RBFOX1: variants seen among roughly 807,000 people sequenced by gnomAD.
RBFOX1 encodes RNA binding fox-1 homolog 1.
In RBFOX1, 8 loss-of-function variants were observed where a neutral mutation model predicts 57.7. The ratio of observed to expected loss-of-function variants is 0.14; its 90% CI spans 0.08 to 0.25. The LOEUF (loss-of-function observed/expected upper bound fraction) is 0.25, where lower values mean the gene tolerates loss of function less well. Among genes scored for constraint, RBFOX1 ranks in the 10% least tolerant of loss-of-function variants. RBFOX1 has a pLI of 1.00. For synonymous variants in RBFOX1, 326 were observed against 222.4 expected (o/e 1.47, Z -4.15); for missense variants, 611 against 548.5 (o/e 1.11, Z -1.14).
chr16:6,193,391 A>AATATAT (rs1567650996), intron 1 of RBFOX1, among the ~76,000 whole-genome samples: 193 of 15,732 alleles, frequency 0.012, 4 homozygotes, highest in African/African-American at 0.021. Context: ...ATATATATAT[A>AATATAT]CTATATATAT....
intron 15 of RBFOX1, 61 bp downstream of exon 15, chr16:7,709,192 G>A: frequency 6.7e-7 from 1 of 1,484,050 alleles, no homozygotes; most frequent in Non-Finnish European, 9.4e-7. Flanking sequence ...TCCCCAGCTG[G>A]GACCTCAGTA....
At chr16:6,716,490 C>T (rs1012280170) in intron 3 of RBFOX1, among the ~76,000 whole-genome samples, 3 of 152,166 alleles carry the variant, frequency 2.0e-5, no homozygotes, top group African/African-American at 4.8e-5. Flanking sequence ...CTGTTATTAC[C>T]TGCCCATTTC....
At chr16:6,504,279 C>G (rs1462117818) in intron 2 of RBFOX1, among the ~76,000 whole-genome samples, 1 of 152,176 alleles carries the variant, frequency 6.6e-6, no homozygotes, top group Non-Finnish European at 1.5e-5. Flanking sequence ...TGTTGGGAAT[C>G]TATTTGCTTT....
chr16:5,750,606 C>T (rs2098076), intron 3 of RBFOX1, among the ~76,000 whole-genome samples: 4,464 of 152,256 alleles, frequency 0.029, 212 homozygotes, highest in African/African-American at 0.1. Flanking sequence ...TCTTGCAGTT[C>T]GATCTCAGAC....
chr16:6,498,872 G>C (rs185092566), intron 2 of RBFOX1, among the ~76,000 whole-genome samples: 8 of 152,274 alleles, frequency 5.3e-5, no homozygotes, highest in African/African-American at 1.9e-4. Flanking sequence ...GTTAGTATCT[G>C]ATCCCTCAAC....
intron 5 of RBFOX1, among the ~76,000 whole-genome samples, chr16:7,534,106 C>T (rs1284087495): frequency 2.4e-5 from 2 of 83,214 alleles, no homozygotes; most frequent in Admixed American, 2.6e-4. Context: ...TTTTTTTGGA[C>T]ATGCAGTTTC....
chr16:7,203,142 T>C lies in RBFOX1; in HGVS notation c.27+151044T>C, dbSNP rs141776396. Among the ~76,000 whole-genome samples, 4 of 152,324 alleles carry C rather than the reference T, an allele frequency of 2.6e-5. No individual in the cohort carries two copies. The East Asian group carries it at 7.7e-4, about 29-fold the overall frequency. ...AGCTAAAATATGGGACTAATACAAG[T>C]GTTTATCAATGATGAACAGATAAGC... On this transcript the variant is annotated intron_variant, in intron 4 of 15. Coordinates refer to ENST00000550418, the MANE Select transcript of RBFOX1 (RefSeq NM_018723.4).
At chr16:7,570,850 TGATA>T (rs1168261165) in intron 5 of RBFOX1, among the ~76,000 whole-genome samples, 1 of 152,170 alleles carries the variant, frequency 6.6e-6, no homozygotes, top group East Asian at 1.9e-4. Flanking sequence ...TGCCCATCAA[TGATA>T]GATTAAAGAA....
At chr16:6,852,902 G>A (rs561230486) in intron 3 of RBFOX1, among the ~76,000 whole-genome samples, 3 of 152,038 alleles carry the variant, frequency 2.0e-5, no homozygotes, top group African/African-American at 2.4e-5. Flanking sequence ...TCCACACAAG[G>A]TGCATGCTGG....
chr16:6,689,473 C>T (rs1468730594), intron 3 of RBFOX1, among the ~76,000 whole-genome samples: 1 of 152,092 alleles, frequency 6.6e-6, no homozygotes, highest in Non-Finnish European at 1.5e-5. Context: ...AAATACTCAT[C>T]TTCTAAGGCT....
chr16:6,975,329 A>G (rs76227129), intron 3 of RBFOX1, among the ~76,000 whole-genome samples: 8,307 of 152,150 alleles, frequency 0.055, 251 homozygotes, highest in African/African-American at 0.072. Flanking sequence ...GCAGTGGCAC[A>G]ATATCAGCTC....
At chr16:5,984,963 TATATATATATATA>T (rs1433952285) in intron 4 of RBFOX1, among the ~76,000 whole-genome samples, 14 of 40,026 alleles carry the variant, frequency 3.5e-4, no homozygotes, top group African/African-American at 9.6e-4. Context: ...TATATATATA[TATATATATATATA>T]TTTTTTTTTT....
At chr16:7,122,970 C>G (rs981074486) in intron 4 of RBFOX1, among the ~76,000 whole-genome samples, 2 of 151,996 alleles carry the variant, frequency 1.3e-5, no homozygotes, top group African/African-American at 2.4e-5. Flanking sequence ...GTGTATAAAT[C>G]CATTCCTATG....
At chr16:7,065,605 T>G (rs973262075) in intron 4 of RBFOX1, among the ~76,000 whole-genome samples, 10 of 152,162 alleles carry the variant, frequency 6.6e-5, no homozygotes, top group African/African-American at 2.2e-4. Flanking sequence ...AATGGCTAAA[T>G]TGAACTAATT....
chr16:5,538,058 G>C (rs931351597), intron 2 of RBFOX1, among the ~76,000 whole-genome samples: 1 of 152,114 alleles, frequency 6.6e-6, no homozygotes, highest in Non-Finnish European at 1.5e-5. Flanking sequence ...CACGAGCCTG[G>C]AGCCCCAGAG....
intron 4 of RBFOX1, among the ~76,000 whole-genome samples, chr16:7,098,204 C>G (rs1337409371): frequency 1.3e-5 from 2 of 152,186 alleles, no homozygotes; most frequent in African/African-American, 4.8e-5. Flanking sequence ...GAGTCTAGCT[C>G]TGTCATCCAA....
intron 4 of RBFOX1, among the ~76,000 whole-genome samples, chr16:5,956,144 C>T (rs116635997): frequency 6.4e-4 from 97 of 152,052 alleles, no homozygotes; most frequent in African/African-American, 2.1e-3. Flanking sequence ...GGTGTGGTGG[C>T]GCGCACCTGT....
intron 3 of RBFOX1, chr16:7,004,257 A>G (rs1360003298): frequency 6.6e-6 from 1 of 152,226 alleles, no homozygotes; most frequent in Non-Finnish European, 1.5e-5. Context: ...TATATAATGC[A>G]TAAGAACAAC....
At chr16:7,662,277 G>A (rs2067961784) in intron 12 of RBFOX1, among the ~76,000 whole-genome samples, 1 of 152,138 alleles carries the variant, frequency 6.6e-6, no homozygotes, top group African/African-American at 2.4e-5. Context: ...TTTACTTCTA[G>A]ACTGCTGTCT....
Sources: gnomAD v4.1 joint callset for allele counts (sites outside exome capture counted in the v4.1 genomes callset) on GRCh38, gnomAD v4.1.1 for gene constraint, MANE v1.5 for transcripts, NCBI Gene and HGNC (gene_info 2026-07-23, HGNC 2026-07-21) for gene names.